WDR7: variants seen among roughly 807,000 people sequenced by gnomAD.
The protein encoded by WDR7 is WD repeat-containing protein 7.
Under a neutral mutation model 169.4 loss-of-function variants are expected in WDR7, and 46 were observed. The observed-to-expected ratio is 0.27, with a 90% CI of 0.21 to 0.35. WDR7 has a LOEUF of 0.35. Ranked by LOEUF, WDR7 falls within the 10% of genes least tolerant of loss-of-function variation. WDR7 has a pLI of 1.00. For missense variants in WDR7, 1,534 were observed against 1,859.3 expected (o/e 0.83, Z 3.22); for synonymous variants, 612 against 666.8 (o/e 0.92, Z 1.27).
chr18:56,935,922 A>C lies in WDR7; in HGVS notation c.3831+17A>C. On this transcript the variant is annotated intron_variant, in intron 23 of 27. Transcript: ENST00000254442. Reference sequence around the variant, plus strand: ...GCCAAAGAGGTGAGCGGAACTTCTCAGTGTGCTCCATCTTCTCATTTAGAG... The same window carrying C: ...GCCAAAGAGGTGAGCGGAACTTCTCCGTGTGCTCCATCTTCTCATTTAGAG... The C allele has an allele frequency of 1.3e-6, 2 of 1,596,478 alleles. No individual in the cohort carries two copies. The highest frequency in any genetic ancestry group is 1.3e-5 in the African/African-American group (1 of 74,390).
intron 26 of WDR7, among the ~76,000 whole-genome samples, chr18:56,982,145 A>G (rs2047655382): frequency 6.6e-6 from 1 of 152,192 alleles, no homozygotes; most frequent in Admixed American, 6.5e-5. Context: ...GGGACCATTG[A>G]GACAAACCTG....
intron 20 of WDR7, among the ~76,000 whole-genome samples, chr18:56,859,594 A>G (rs1235019270): frequency 6.6e-6 from 1 of 152,048 alleles, no homozygotes; most frequent in African/African-American, 2.4e-5. Context: ...AAAGGCAGAA[A>G]CCCTGTTATT....
intron 20 of WDR7, among the ~76,000 whole-genome samples, chr18:56,879,279 A>G (rs1348032573): frequency 6.6e-5 from 10 of 152,294 alleles, no homozygotes. Flanking sequence ...TGCATCCTCA[A>G]CAGCACTGTA....
intron 25 of WDR7, among the ~76,000 whole-genome samples, chr18:56,951,467 T>C (rs2047181823): frequency 6.6e-6 from 1 of 152,180 alleles, no homozygotes; most frequent in Non-Finnish European, 1.5e-5. Flanking sequence ...ATCCTAAATG[T>C]CATCTCATCT....
chr18:56,658,411 A>G (rs898436151), intron 1 of WDR7, among the ~76,000 whole-genome samples: 3 of 152,134 alleles, frequency 2.0e-5, no homozygotes, highest in Non-Finnish European at 4.4e-5. Context: ...CTGGAAATAC[A>G]TGACTTTGAA....
Position 57,027,309 on chromosome 18 carries a change from A to G in WDR7, c.*102A>G. 7.1e-7 allele frequency: 1 copy of G among 1,417,342 alleles called. No homozygotes were observed. The highest frequency in any genetic ancestry group is 9.5e-7 in the Non-Finnish European group (1 of 1,057,320). 87.8% of individuals were successfully genotyped at this position (1,417,342 alleles called of 1,614,324 possible). A position where few individuals can be genotyped will look rare whatever the true frequency, so the allele number is the denominator to read the frequency against. On this transcript the variant is annotated 3_prime_UTR_variant, in exon 28 of 28. Coordinates refer to ENST00000254442, the MANE Select transcript of WDR7 (RefSeq NM_015285.3). ...CCAGATTGTTCCCAGGGGCCTGCCC[A>G]CCCCAGTGCCATCCAGTGGCACGGC...
At chr18:56,753,175 T>C (rs924314392) in intron 14 of WDR7, 1 of 152,108 alleles carries the variant, frequency 6.6e-6, no homozygotes, top group African/African-American at 2.4e-5. Context: ...TGTGGTAATT[T>C]TATGTCAGAA....
At position 56,687,053 on chromosome 18, in the gene WDR7, A is replaced by G. The variant is rs1320307054; in HGVS notation, c.717+79A>G. The G allele has an allele frequency of 3.0e-6, 4 of 1,349,482 alleles. No individual in the cohort carries two copies. The African/African-American group carries it at 5.9e-5, about 20-fold the overall frequency. 83.6% of individuals were successfully genotyped at this position (1,349,482 alleles called of 1,614,324 possible). A position where few individuals can be genotyped will look rare whatever the true frequency, so the allele number is the denominator to read the frequency against. On this transcript the variant is annotated intron_variant, in intron 7 of 27. Transcript: ENST00000254442. ...TTATCAGATTTCCAAAGAACCCTAA[A>G]GAAGTACTTGGTGCAAGACTATTTT...
chr18:56,770,928 A>G (rs977377341), intron 16 of WDR7, among the ~76,000 whole-genome samples: 5 of 152,176 alleles, frequency 3.3e-5, no homozygotes, highest in Non-Finnish European at 2.9e-5. Context: ...TAAGGTTTGC[A>G]TATATTGTTT....
chr18:56,670,303 A>G (rs1054456391), intron 1 of WDR7, among the ~76,000 whole-genome samples: 1 of 151,990 alleles, frequency 6.6e-6, no homozygotes, highest in African/African-American at 2.4e-5. Flanking sequence ...GGTTTTTAAG[A>G]TATTAGAAAA....
At chr18:56,926,148 G>A (rs375365915) in intron 22 of WDR7, among the ~76,000 whole-genome samples, 4 of 152,184 alleles carry the variant, frequency 2.6e-5, no homozygotes, top group South Asian at 4.1e-4. Context: ...CTGGATACAG[G>A]AGGCCTGAAG....
At chr18:56,918,881 G>C (rs187676573) in intron 21 of WDR7, among the ~76,000 whole-genome samples, 8 of 152,242 alleles carry the variant, frequency 5.3e-5, no homozygotes, top group Admixed American at 5.2e-4. Context: ...CTAAGCCTTA[G>C]GCCAAACATA....
At position 56,769,388 on chromosome 18, in the gene WDR7, G is replaced by T. The variant is rs2044118122; in HGVS notation, c.2849-7394G>T. Among the ~76,000 whole-genome samples, 3 of 152,014 alleles carry T rather than the reference G, an allele frequency of 2.0e-5. No individual in the cohort carries two copies. The South Asian group carries it at 6.2e-4, about 32-fold the overall frequency. On this transcript the variant is annotated intron_variant, in intron 16 of 27. Coordinates refer to ENST00000254442, the MANE Select transcript of WDR7 (RefSeq NM_015285.3). The stretch of plus-strand genomic sequence containing the variant: ...TTAATTTTAAATTTGTTGTAGAAAT[G>T]GAGTTTCACCATATTGCCCAGGCTG...
chr18:57,034,780 G>A (rs1175064371), downstream of WDR7: 1 of 152,068 alleles, frequency 6.6e-6, no homozygotes, highest in Non-Finnish European at 1.5e-5. Flanking sequence ...ACCCAGTAGA[G>A]GCTAAATGTG....
At chr18:56,895,080 G>A (rs1334068996) in intron 21 of WDR7, among the ~76,000 whole-genome samples, 1 of 151,994 alleles carries the variant, frequency 6.6e-6, no homozygotes, top group African/African-American at 2.4e-5. Context: ...GTTCACATTA[G>A]ATATATTCTA....
At chr18:56,790,690 G>C (rs1383457304) in intron 19 of WDR7, among the ~76,000 whole-genome samples, 1 of 151,494 alleles carries the variant, frequency 6.6e-6, no homozygotes, top group Non-Finnish European at 1.5e-5. Context: ...TTTTTCCTTA[G>C]TGATATTGTC....
At chr18:56,863,613 A>G (rs2045839727) in intron 20 of WDR7, among the ~76,000 whole-genome samples, 1 of 151,736 alleles carries the variant, frequency 6.6e-6, no homozygotes, top group Admixed American at 6.6e-5. Context: ...TATTTATTGC[A>G]AAAGTACAAA....
At chr18:56,920,564 G>C (rs892640990) in intron 21 of WDR7, among the ~76,000 whole-genome samples, 7 of 152,196 alleles carry the variant, frequency 4.6e-5, no homozygotes, top group Non-Finnish European at 7.3e-5. Flanking sequence ...TGCCAGGCCA[G>C]TTAGCTGAAC....
At chr18:56,796,470 G>T (rs547835960) in intron 19 of WDR7, among the ~76,000 whole-genome samples, 1 of 152,148 alleles carries the variant, frequency 6.6e-6, no homozygotes, top group Non-Finnish European at 1.5e-5. Context: ...GTCATGTTTA[G>T]AAAACTCTAC....
Sources: allele counts gnomAD v4.1 joint callset (sites outside exome capture counted in the v4.1 genomes callset), GRCh38; gene constraint gnomAD v4.1.1; transcripts MANE v1.5; gene names NCBI Gene and HGNC (gene_info 2026-07-23, HGNC 2026-07-21).